Variants in SYN3 observed in about 807,000 individuals in gnomAD.
The protein encoded by SYN3 is synapsin III, also known as synapsin-3.
In SYN3, 35 loss-of-function variants were observed where a neutral mutation model predicts 65.8. The observed-to-expected ratio is 0.53, with a 90% CI of 0.41 to 0.70. The LOEUF (loss-of-function observed/expected upper bound fraction) is 0.70, where lower values mean the gene tolerates loss of function less well. Ranked by LOEUF, SYN3 falls within the 30% of genes least tolerant of loss-of-function variation. The probability of loss-of-function intolerance (pLI) is 0.00; values close to 1 mark genes in which losing one functional copy is unlikely to be tolerated. For synonymous variants in SYN3, 270 were observed against 292.9 expected (o/e 0.92, Z 0.80); for missense variants, 680 against 749.0 (o/e 0.91, Z 1.08).
chr22:32,829,683 C>A (rs1340245411), intron 6 of SYN3, among the ~76,000 whole-genome samples: 3 of 152,252 alleles, frequency 2.0e-5, no homozygotes, highest in African/African-American at 7.2e-5. Flanking sequence ...CAATGCCGGT[C>A]CCCGGGCACT....
chr22:32,777,446 C>G (rs1228245874), intron 6 of SYN3, among the ~76,000 whole-genome samples: 1 of 152,096 alleles, frequency 6.6e-6, no homozygotes, highest in African/African-American at 2.4e-5. Flanking sequence ...AGTCCTGACT[C>G]GGTGCAATAT....
At chr22:32,848,699 T>C (rs1015026674) in intron 6 of SYN3, among the ~76,000 whole-genome samples, 2 of 152,218 alleles carry the variant, frequency 1.3e-5, no homozygotes, top group African/African-American at 4.8e-5. Flanking sequence ...GTTCAAGAGA[T>C]TAGTATCATT....
intron 4 of SYN3, among the ~76,000 whole-genome samples, chr22:32,902,693 G>T (rs2049794288): frequency 6.6e-6 from 1 of 152,078 alleles, no homozygotes; most frequent in Admixed American, 6.5e-5. Context: ...GGGACTCGTG[G>T]GCAGGTTCAT....
intron 9 of SYN3, among the ~76,000 whole-genome samples, chr22:32,537,800 C>A (rs1239638178): frequency 6.6e-6 from 1 of 152,208 alleles, no homozygotes; most frequent in Non-Finnish European, 1.5e-5. Flanking sequence ...TGATCCTAGA[C>A]AAATCACTTC....
intron 6 of SYN3, among the ~76,000 whole-genome samples, chr22:32,597,325 C>T (rs1290646160): frequency 6.8e-6 from 1 of 147,058 alleles, no homozygotes; most frequent in African/African-American, 2.5e-5. Context: ...AAGTGATTCT[C>T]CTGCCTCAGC....
Position 32,592,980 on chromosome 22 carries a change from G to A in SYN3, c.774+3694C>T, listed in dbSNP as rs568226769. 2.0e-5 allele frequency among the ~76,000 whole-genome samples: 3 copies of A among 152,306 alleles called. No homozygotes were observed. The South Asian group carries it at 6.2e-4, about 32-fold the overall frequency. On this transcript the variant is annotated intron_variant, in intron 7 of 13. Transcript: ENST00000358763. ...CTGGGTAGATTTCAAGCAACACTGA[G>A]CTCATTGACAGCCTCCTTACCAGCT...
chr22:32,760,158 C>CA (rs2045434159), intron 6 of SYN3, among the ~76,000 whole-genome samples: 1 of 137,452 alleles, frequency 7.3e-6, no homozygotes, highest in Non-Finnish European at 1.6e-5. Context: ...AGCACCCACT[C>CA]ACCCCCCAGC....
At chr22:32,709,150 C>T (rs910801509) in intron 6 of SYN3, among the ~76,000 whole-genome samples, 3 of 152,274 alleles carry the variant, frequency 2.0e-5, no homozygotes, top group Middle Eastern at 3.4e-3. Flanking sequence ...GTTCTGTGCC[C>T]GGGGGAAAAT....
At chr22:32,621,297 C>CT (rs58499520) in intron 6 of SYN3, among the ~76,000 whole-genome samples, 32,184 of 140,872 alleles carry the variant, frequency 0.23, 4,308 homozygotes, top group Non-Finnish European at 0.31. Flanking sequence ...TAACTTTTGC[C>CT]TTTTTTTTTT....
intron 6 of SYN3, among the ~76,000 whole-genome samples, chr22:32,637,630 C>CTTTTTTTT (rs1185407986): frequency 1.8e-4 from 17 of 93,562 alleles, no homozygotes; most frequent in Admixed American, 2.7e-4. Flanking sequence ...TTTTCTTTTT[C>CTTTTTTTT]TTTTTTTTTT....
At chr22:32,529,408 G>GT (rs1256743812) in intron 10 of SYN3, among the ~76,000 whole-genome samples, 1 of 152,172 alleles carries the variant, frequency 6.6e-6, no homozygotes, top group African/African-American at 2.4e-5. Flanking sequence ...AGCAGAAACA[G>GT]TAAAGGTGGG....
chr22:32,957,849 T>A (rs1473264266), intron 3 of SYN3, among the ~76,000 whole-genome samples: 1 of 152,190 alleles, frequency 6.6e-6, no homozygotes, highest in Non-Finnish European at 1.5e-5. Flanking sequence ...AAGGCTGAAT[T>A]CCTCTTCTCA....
At chr22:33,050,344 G>T (rs926390732) in intron 1 of SYN3, among the ~76,000 whole-genome samples, 1 of 151,906 alleles carries the variant, frequency 6.6e-6, no homozygotes, top group Non-Finnish European at 1.5e-5. Context: ...TTAGCCGGGC[G>T]TGGTGGTGCA....
chr22:32,598,267 A>G (rs2059231838), intron 6 of SYN3, among the ~76,000 whole-genome samples: 1 of 152,178 alleles, frequency 6.6e-6, no homozygotes, highest in South Asian at 2.1e-4. Context: ...GTGCATCACA[A>G]AGCCATTCTG....
At chr22:32,826,013 T>C (rs1464628292) in intron 6 of SYN3, among the ~76,000 whole-genome samples, 1 of 152,256 alleles carries the variant, frequency 6.6e-6, no homozygotes, top group Non-Finnish European at 1.5e-5. Flanking sequence ...ATATAAAGCA[T>C]AGTTATAACT....
At chr22:32,635,208 T>C (rs908637268) in intron 6 of SYN3, 6 of 152,204 alleles carry the variant, frequency 3.9e-5, no homozygotes, top group Non-Finnish European at 5.9e-5. Context: ...CTAATCTTTC[T>C]ATCTATCTGT....
In SYN3 at chr22:32,890,942, C is replaced by T. The variant is rs534968702; in HGVS notation, c.462-21817G>A. On this transcript the variant is annotated intron_variant, in intron 4 of 13. Transcript: ENST00000358763. ...AAACTTCATTTCCTAGACCCCCTTGCAGCTGGGAGCCTAACAATACCAGAT... is the reference window on the plus strand; with the variant it reads ...AAACTTCATTTCCTAGACCCCCTTGTAGCTGGGAGCCTAACAATACCAGAT... 7.9e-5 allele frequency among the ~76,000 whole-genome samples: 12 copies of T among 152,274 alleles called. No homozygotes were observed. The East Asian group carries it at 2.3e-3, about 29-fold the overall frequency.
Position 32,749,304 on chromosome 22 carries a change from C to A in SYN3, c.711+115611G>T, listed in dbSNP as rs180958069. On this transcript the variant is annotated intron_variant, in intron 6 of 13. Transcript: ENST00000358763. ...CCTAATCACCTCCCAAAGCCCCCCC[C>A]CCACCCCAAAATACACACACAAATC... is the stretch of plus-strand genomic sequence containing the variant. 1.4e-3 allele frequency among the ~76,000 whole-genome samples: 118 copies of A among 86,180 alleles called. 1 individual carries two copies. The highest frequency in any genetic ancestry group is 2.0e-3 in the Non-Finnish European group (91 of 46,168). 56.5% of individuals were successfully genotyped at this position (86,180 alleles called of 152,430 possible). A position where few individuals can be genotyped will look rare whatever the true frequency, so the allele number is the denominator to read the frequency against.
intron 6 of SYN3, among the ~76,000 whole-genome samples, chr22:32,780,732 C>T (rs1451311092): frequency 6.6e-6 from 1 of 152,162 alleles, no homozygotes; most frequent in East Asian, 1.9e-4. Context: ...ACTGAACTTC[C>T]TGTGCCTTAG....
Sources: allele counts gnomAD v4.1 joint callset (sites outside exome capture counted in the v4.1 genomes callset), GRCh38; gene constraint gnomAD v4.1.1; transcripts MANE v1.5; gene names NCBI Gene and HGNC (gene_info 2026-07-23, HGNC 2026-07-21).